The following FASTKD5 variants were observed in gnomAD, a reference collection of about 807,000 sequenced individuals.
FASTKD5 encodes the protein FAST kinase domains 5.
In FASTKD5, 30 loss-of-function variants were observed where a neutral mutation model predicts 44.0. That is an observed-to-expected ratio of 0.68 (90% CI 0.51 to 0.93). FASTKD5 has a LOEUF of 0.93. Ranked by LOEUF, FASTKD5 falls within the 40% of genes least tolerant of loss-of-function variation. The pLI, the probability that FASTKD5 is intolerant of heterozygous loss-of-function variation, is 0.00. For synonymous variants in FASTKD5, 335 were observed against 342.2 expected (o/e 0.98, Z 0.23); for missense variants, 868 against 908.2 (o/e 0.96, Z 0.57).
chr20:3,147,778 G>A lies in FASTKD5; in HGVS notation c.1293C>T (p.Ala431=), dbSNP rs751185156. The change falls in exon 2 of 2, where the codon GCC becomes GCT. Residue 431 remains alanine, a synonymous_variant. Coordinates refer to ENST00000380266, the MANE Select transcript of FASTKD5 (RefSeq NM_021826.5). ...RVAHCRSKDV[A]KILWSFGTLN... Reference sequence around the variant, plus strand: ...GAGTTCCAAATGACCACAGAATCTTGGCAACATCTTTACTTCGACAGTGTG... The same window carrying A: ...GAGTTCCAAATGACCACAGAATCTTAGCAACATCTTTACTTCGACAGTGTG... The A allele has an allele frequency of 5.0e-6, 8 of 1,614,018 alleles. No homozygotes were observed. In the Admixed American group the frequency reaches 6.7e-5, roughly 13 times the overall value.
chr20:3,158,696 G>C (rs1166082885), intron 1 of FASTKD5, among the ~76,000 whole-genome samples: 2 of 151,846 alleles, frequency 1.3e-5, no homozygotes, highest in South Asian at 2.1e-4. Context: ...AGATGGTCTC[G>C]ATCTCCTGAC....
At chr20:3,153,429 A>T (rs2066651698) in intron 1 of FASTKD5, among the ~76,000 whole-genome samples, 1 of 152,226 alleles carries the variant, frequency 6.6e-6, no homozygotes, top group Admixed American at 6.5e-5. Context: ...CTGTAATGTA[A>T]GTTTATAATC....
intron 1 of FASTKD5, among the ~76,000 whole-genome samples, chr20:3,152,349 TGGGCGCCTGCAATTGCAGCTG>T (rs2066638008): frequency 2.0e-5 from 3 of 151,302 alleles, no homozygotes; most frequent in South Asian, 2.1e-4. Flanking sequence ...GGCGTGGTGG[TGGGCGCCTGCAATTGCAGCTG>T]GGGCACCTGC....
At chr20:3,155,270 CTG>C (rs1166390456) in intron 1 of FASTKD5, among the ~76,000 whole-genome samples, 1 of 151,988 alleles carries the variant, frequency 6.6e-6, no homozygotes, top group African/African-American at 2.4e-5. Context: ...CGGCTCAAGT[CTG>C]TAATCCCAGC....
intron 1 of FASTKD5, among the ~76,000 whole-genome samples, chr20:3,158,586 T>C (rs1178340758): frequency 1.3e-5 from 2 of 152,154 alleles, no homozygotes; most frequent in Admixed American, 1.3e-4. Flanking sequence ...GCCACGCTCC[T>C]GCCTCAGCCT....
rs116703534 is a variant in FASTKD5 at position 3,147,732 on chromosome 20, C to T, written c.1339G>A (p.Ala447Thr). Residue 447 changes from alanine (A) to threonine (T), a missense_variant, in exon 2 of 2, where the codon GCA (alanine) becomes ACA (threonine). By Grantham distance (58) the Ala-to-Thr change is moderately conservative. Coordinates refer to ENST00000380266, the MANE Select transcript of FASTKD5 (RefSeq NM_021826.5). ...FGTLNYKPPN[A>T]EEFYSSLISE... ...ATCAGGCTGGAGTAAAATTCTTCTG[C>T]ATTGGGTGGCTTATAATTCAGAGTT... 414 of 1,614,230 alleles carry T rather than the reference C, an allele frequency of 2.6e-4. No individual in the cohort carries two copies. Among genetic ancestry groups the T allele is most frequent in the Non-Finnish European group, 3.3e-4 (389 of 1,180,054 alleles).
At position 3,159,761 on chromosome 20, in the gene FASTKD5, C is replaced by T. The variant is rs2122143412; in HGVS notation, c.-191+5G>A. The T allele has an allele frequency of 6.6e-6, 1 of 152,498 alleles. No individual in the cohort carries two copies. Among genetic ancestry groups the T allele is most frequent in the African/African-American group, 2.4e-5 (1 of 41,598 alleles). 9.4% of individuals were successfully genotyped at this position (152,498 alleles called of 1,614,324 possible). ...GCGACCTCCTCCCCGGCCGCCGCCA[C>T]TCACCTGATCCTCCCGAAGGTGGGC... On this transcript the variant is annotated splice_donor_5th_base_variant and intron_variant, in intron 1 of 1. Coordinates refer to ENST00000380266, the MANE Select transcript of FASTKD5 (RefSeq NM_021826.5).
Position 3,148,353 on chromosome 20 carries a change from T to A in FASTKD5, c.718A>T (p.Asn240Tyr). 6.2e-7 allele frequency: 1 copy of A among 1,614,134 alleles called. No individual in the cohort carries two copies. Among genetic ancestry groups the A allele is most frequent in the Non-Finnish European group, 8.5e-7 (1 of 1,180,042 alleles). The change falls in exon 2 of 2, where the codon AAT (asparagine) becomes TAT (tyrosine). Residue 240 changes from asparagine to tyrosine, a missense_variant. Physicochemically the swap from Asn to Tyr is moderately radical, Grantham distance 143. Transcript: ENST00000380266. Reference sequence around the variant, plus strand: ...GCCACCAAAAGGAGCTGATCCATATTCATCTCCCATACCTGATGGCAACAC... The same window carrying A: ...GCCACCAAAAGGAGCTGATCCATATACATCTCCCATACCTGATGGCAACAC... ...TKCCHQVWEMNMDQLLLVADL... is the reference protein window; with the variant it reads ...TKCCHQVWEMYMDQLLLVADL...
chr20:3,152,459 G>GC (rs1355749093), intron 1 of FASTKD5, among the ~76,000 whole-genome samples: 8 of 150,360 alleles, frequency 5.3e-5, no homozygotes, highest in African/African-American at 2.0e-4. Flanking sequence ...CTGAGATAGC[G>GC]CCACTGCACT....
chr20:3,151,763 T>C (rs1399412779), intron 1 of FASTKD5: 2 of 152,068 alleles, frequency 1.3e-5, no homozygotes, highest in Non-Finnish European at 2.9e-5. Context: ...AAAATAGTCA[T>C]TAGGAAATCC....
chr20:3,158,461 C>T lies in FASTKD5; in HGVS notation c.-191+1305G>A, dbSNP rs576685891. 4.0e-5 allele frequency among the ~76,000 whole-genome samples: 6 copies of T among 151,716 alleles called. No individual in the cohort carries two copies. In the South Asian group the frequency reaches 6.2e-4, roughly 16 times the overall value. On this transcript the variant is annotated intron_variant, in intron 1 of 1. Transcript: ENST00000380266. The stretch of plus-strand genomic sequence containing the variant: ...GCACAGAGTCTTCAGATTTTATTTA[C>T]TTATTTATTTATTTATTTATTCATT...
intron 1 of FASTKD5, among the ~76,000 whole-genome samples, chr20:3,158,216 C>T (rs1194001778): frequency 6.6e-6 from 1 of 152,068 alleles, no homozygotes; most frequent in Admixed American, 6.5e-5. Flanking sequence ...AGTAATCCTT[C>T]CACTTCGGCC....
intron 1 of FASTKD5, among the ~76,000 whole-genome samples, chr20:3,158,742 G>A (rs2066716126): frequency 6.6e-6 from 1 of 152,206 alleles, no homozygotes; most frequent in Admixed American, 6.5e-5. Flanking sequence ...CCAAAGTGCT[G>A]GGATTACAGG....
chr20:3,147,084 C>T lies in FASTKD5; in HGVS notation c.1987G>A (p.Val663Ile). 6.2e-7 allele frequency: 1 copy of T among 1,614,156 alleles called. No individual in the cohort carries two copies. Among genetic ancestry groups the T allele is most frequent in the Non-Finnish European group, 8.5e-7 (1 of 1,180,050 alleles). ...QPMELENKAA[V>I]PLGGFLCNVA... ...TTGCAAAGGAAGCCCCCCAGAGGTACAGCTGCCTTATTCTCCAACTCCATG... is the reference window on the plus strand; with the variant it reads ...TTGCAAAGGAAGCCCCCCAGAGGTATAGCTGCCTTATTCTCCAACTCCATG... The change falls in exon 2 of 2, where the codon GTA becomes ATA. Residue 663 changes from valine to isoleucine, a missense_variant. Val to Ile is a conservative substitution (Grantham distance 29, BLOSUM62 3). Transcript: ENST00000380266.
At chr20:3,152,176 G>A (rs1411663543) in intron 1 of FASTKD5, among the ~76,000 whole-genome samples, 1 of 151,642 alleles carries the variant, frequency 6.6e-6, no homozygotes, top group Non-Finnish European at 1.5e-5. Flanking sequence ...GACAGAACAG[G>A]GCTTTTAAGA....
rs1373840545 is a variant in FASTKD5 at position 3,148,622 on chromosome 20, T to C, written c.449A>G (p.Lys150Arg). ...GAGATTATTTTGATTAACTCTGACTTTGTGCAAAATTAGTTCACCTTCTGA... is the reference window on the plus strand; with the variant it reads ...GAGATTATTTTGATTAACTCTGACTCTGTGCAAAATTAGTTCACCTTCTGA... ...SVSEGELILH[K>R]VRVNQNNLQA... The change falls in exon 2 of 2, where the codon AAA becomes AGA. Residue 150 changes from lysine (K) to arginine (R), a missense_variant. Transcript: ENST00000380266. 1 of 1,614,066 alleles carries C rather than the reference T, an allele frequency of 6.2e-7. No homozygotes were observed. Among genetic ancestry groups the C allele is most frequent in the East Asian group, 2.2e-5 (1 of 44,902 alleles).
Position 3,148,165 on chromosome 20 carries a change from C to A in FASTKD5, c.906G>T (p.Leu302Phe). 6.2e-7 allele frequency: 1 copy of A among 1,613,722 alleles called. No homozygotes were observed. The highest frequency in any genetic ancestry group is 8.5e-7 in the Non-Finnish European group (1 of 1,179,950). The change falls in exon 2 of 2, where the codon TTG becomes TTT. Residue 302 changes from leucine to phenylalanine, a missense_variant. By Grantham distance (22) the Leu-to-Phe change is conservative. Coordinates refer to ENST00000380266, the MANE Select transcript of FASTKD5 (RefSeq NM_021826.5). ...RQVSQDLMQK[L>F]ESLILKYIDL... The stretch of plus-strand genomic sequence containing the variant: ...CTATATATTTAAGGATCAATGATTC[C>A]AATTTTTGCATTAGGTCCTGGGATA...
intron 1 of FASTKD5, among the ~76,000 whole-genome samples, chr20:3,151,022 C>T (rs532035083): frequency 1.3e-5 from 2 of 152,160 alleles, no homozygotes; most frequent in Admixed American, 1.3e-4. Flanking sequence ...GCAAAAACTA[C>T]AGGTGCACAC....
chr20:3,151,010 T>C (rs979935215), intron 1 of FASTKD5: 2 of 152,202 alleles, frequency 1.3e-5, no homozygotes, highest in African/African-American at 4.8e-5. Context: ...CCTCTTGAAG[T>C]AGCAAAAACT....
Sources: gnomAD v4.1 joint callset for allele counts (sites outside exome capture counted in the v4.1 genomes callset) on GRCh38, gnomAD v4.1.1 for gene constraint, MANE v1.5 for transcripts, NCBI Gene and HGNC (gene_info 2026-07-23, HGNC 2026-07-21) for gene names.